Variants in MAGI1 observed in about 807,000 individuals in gnomAD.
MAGI1 encodes membrane-associated guanylate kinase, WW and PDZ domain-containing protein 1.
In MAGI1, 58 loss-of-function variants were observed where a neutral mutation model predicts 139.9. The observed-to-expected ratio is 0.41, with a 90% CI of 0.34 to 0.52. The LOEUF (loss-of-function observed/expected upper bound fraction) is 0.52. MAGI1 is among the 20% of genes least tolerant of loss of function. The pLI is 0.12. For missense variants in MAGI1, 1,874 were observed against 1,901.6 expected, an observed-to-expected ratio of 0.99 and a Z score of 0.27; for synonymous variants, 812 against 737.9, an observed-to-expected ratio of 1.10 and a Z score of -1.63.
At chr3:65,938,043 AT>A (rs1281636136) in intron 1 of MAGI1, among the ~76,000 whole-genome samples, 1 of 152,128 alleles carries the variant, frequency 6.6e-6, no homozygotes, top group African/African-American at 2.4e-5. Context: ...AGTATATTCC[AT>A]ATTATGGGTC....
intron 1 of MAGI1, among the ~76,000 whole-genome samples, chr3:65,854,409 T>C (rs2059305975): frequency 6.6e-6 from 1 of 152,166 alleles, no homozygotes. Context: ...GCTTTGTACA[T>C]ACAACTTTGA....
chr3:65,632,424 G>A (rs2084366274), intron 1 of MAGI1, among the ~76,000 whole-genome samples: 1 of 152,048 alleles, frequency 6.6e-6, no homozygotes, highest in Non-Finnish European at 1.5e-5. Context: ...AATTAATTTG[G>A]AGTATGGCTT....
chr3:65,882,308 G>C (rs1337733640), intron 1 of MAGI1, among the ~76,000 whole-genome samples: 1 of 152,140 alleles, frequency 6.6e-6, no homozygotes. Context: ...GGACACAAAA[G>C]ACAAAGCTGA....
At chr3:65,798,552 A>G (rs890206937) in intron 1 of MAGI1, among the ~76,000 whole-genome samples, 1 of 152,092 alleles carries the variant, frequency 6.6e-6, no homozygotes, top group Non-Finnish European at 1.5e-5. Context: ...CCTCTTTACC[A>G]TGGCTTAGGA....
chr3:65,519,275 T>C (rs79224588), intron 2 of MAGI1, among the ~76,000 whole-genome samples: 1,897 of 151,886 alleles, frequency 0.012, 35 homozygotes, highest in African/African-American at 0.044. Context: ...AAGGACTTTG[T>C]ATCTTATGAG....
Position 65,648,320 on chromosome 3 carries a change from C to CGT in MAGI1, c.314-26234_314-26233dup, listed in dbSNP as rs1441347856. 2.8e-3 allele frequency among the ~76,000 whole-genome samples: 329 copies of CGT among 115,506 alleles called. 1 individual carries two copies. Among genetic ancestry groups the CGT allele is most frequent in the African/African-American group, 0.011 (289 of 27,186 alleles). The allele number at this position is 115,506 out of a possible 152,430, so 75.8% of individuals were successfully genotyped here. ...GTGTGTGTGTGTGTGTGTGTGTGCG[C>CGT]GTGCGCGTGCACACAGACAGGGTCT... is the stretch of plus-strand genomic sequence containing the variant. On this transcript the variant is annotated intron_variant, in intron 1 of 22. Coordinates refer to ENST00000402939, the MANE Select transcript of MAGI1 (RefSeq NM_001033057.2).
intron 1 of MAGI1, among the ~76,000 whole-genome samples, chr3:65,690,804 T>C (rs755802008): frequency 2.7e-5 from 4 of 150,830 alleles, no homozygotes; most frequent in Non-Finnish European, 5.9e-5. Flanking sequence ...TAGATCTACA[T>C]TTTAACCACT....
chr3:65,907,055 C>CAA (rs35828237), intron 1 of MAGI1, among the ~76,000 whole-genome samples: 2 of 115,820 alleles, frequency 1.7e-5, no homozygotes, highest in East Asian at 2.4e-4. Flanking sequence ...CTCTTGTTTA[C>CAA]AAAAAAAAAA....
At chr3:65,612,502 C>A (rs1417565294) in intron 2 of MAGI1, among the ~76,000 whole-genome samples, 3 of 151,876 alleles carry the variant, frequency 2.0e-5, no homozygotes, top group Non-Finnish European at 2.9e-5. Flanking sequence ...ATTTTAAATG[C>A]AATAAAAAAA....
chr3:65,800,930 C>T (rs975194817), intron 1 of MAGI1, among the ~76,000 whole-genome samples: 4 of 152,178 alleles, frequency 2.6e-5, no homozygotes, highest in Admixed American at 2.0e-4. Context: ...GCAGTCACTT[C>T]TGCACCAATG....
At chr3:65,599,928 G>T (rs1221288582) in intron 2 of MAGI1, among the ~76,000 whole-genome samples, 1 of 152,146 alleles carries the variant, frequency 6.6e-6, no homozygotes, top group Non-Finnish European at 1.5e-5. Flanking sequence ...GGCCTTAAGA[G>T]TTACATGCAA....
chr3:65,772,131 G>A (rs1000960794), intron 1 of MAGI1, among the ~76,000 whole-genome samples: 5 of 152,106 alleles, frequency 3.3e-5, no homozygotes, highest in African/African-American at 1.2e-4. Flanking sequence ...GGGAGGCGGA[G>A]GTTGCAGTGA....
chr3:65,600,320 A>G, intron 2 of MAGI1, among the ~76,000 whole-genome samples: 1 of 152,212 alleles, frequency 6.6e-6, no homozygotes, highest in East Asian at 1.9e-4. Context: ...AGTCTTCAAT[A>G]GGGAAAGAAA....
chr3:65,396,089 G>A (rs975456392), intron 13 of MAGI1, among the ~76,000 whole-genome samples: 6 of 152,172 alleles, frequency 3.9e-5, no homozygotes, highest in Non-Finnish European at 5.9e-5. Context: ...TTAGGAGCAG[G>A]AGGATGGAGG....
intron 1 of MAGI1, among the ~76,000 whole-genome samples, chr3:65,833,366 G>A (rs1419353161): frequency 1.1e-4 from 17 of 151,988 alleles, no homozygotes; most frequent in Admixed American, 6.6e-4. Flanking sequence ...TGATCCGCCC[G>A]CCTCAGCCTC....
At chr3:65,545,208 A>G (rs2107929783) in intron 2 of MAGI1, among the ~76,000 whole-genome samples, 1 of 152,272 alleles carries the variant, frequency 6.6e-6, no homozygotes, top group East Asian at 1.9e-4. Flanking sequence ...CACCTATCCC[A>G]AAATAGAGTA....
intron 12 of MAGI1, among the ~76,000 whole-genome samples, chr3:65,424,698 C>T (rs139575814): frequency 3.3e-5 from 5 of 152,268 alleles, no homozygotes; most frequent in African/African-American, 1.2e-4. Context: ...AAGTCTGTCA[C>T]TTACAAAACA....
chr3:66,027,789 GC>G (rs1160505466), intron 1 of MAGI1, among the ~76,000 whole-genome samples: 2 of 152,142 alleles, frequency 1.3e-5, no homozygotes, highest in Non-Finnish European at 2.9e-5. Context: ...GACATTTTGG[GC>G]TGGATAATTC....
intron 1 of MAGI1, among the ~76,000 whole-genome samples, chr3:65,835,731 G>A (rs538884545): frequency 6.6e-6 from 1 of 152,248 alleles, no homozygotes; most frequent in South Asian, 2.1e-4. Flanking sequence ...ATGTAAATGA[G>A]AACATTCTTA....
Sources: allele counts gnomAD v4.1 joint callset (sites outside exome capture counted in the v4.1 genomes callset), GRCh38; gene constraint gnomAD v4.1.1; transcripts MANE v1.5; gene names NCBI Gene and HGNC (gene_info 2026-07-23, HGNC 2026-07-21).